Variants in GNAT3 observed in about 807,000 individuals in gnomAD.
GNAT3 encodes the protein G protein subunit alpha transducin 3.
A neutral mutation model predicts 37.7 loss-of-function variants in GNAT3; 31 were observed. The observed-to-expected ratio is 0.82, with a 90% CI of 0.62 to 1.11. The LOEUF (loss-of-function observed/expected upper bound fraction) is 1.11, where lower values mean the gene tolerates loss of function less well. Among genes scored for constraint, GNAT3 ranks in the 50% most tolerant of loss-of-function variants. The pLI is 0.00. For missense variants in GNAT3, 437 were observed against 412.5 expected (o/e 1.06, Z -0.51); for synonymous variants, 138 against 139.8 (o/e 0.99, Z 0.09).
At chr7:80,468,259 CAT>C (rs562384118) in intron 5 of GNAT3, among the ~76,000 whole-genome samples, 54 of 151,694 alleles carry the variant, frequency 3.6e-4, no homozygotes, top group African/African-American at 1.3e-3. Context: ...TATTGGATCA[CAT>C]GAGATTATTC....
intron 1 of GNAT3, among the ~76,000 whole-genome samples, chr7:80,497,616 A>ACACACACTGTCT (rs1790751569): frequency 1.7e-5 from 2 of 117,526 alleles, no homozygotes; most frequent in African/African-American, 4.8e-5. Context: ...ACGTATATAC[A>ACACACACTGTCT]TATACGTATA....
chr7:80,511,031 C>T (rs1320028586), intron 1 of GNAT3, among the ~76,000 whole-genome samples: 4 of 152,086 alleles, frequency 2.6e-5, no homozygotes, highest in Admixed American at 6.6e-5. Flanking sequence ...ATTTCAAAAA[C>T]ATATTTCTGT....
chr7:80,466,508 C>A (rs1279999585), intron 5 of GNAT3, among the ~76,000 whole-genome samples: 1 of 151,916 alleles, frequency 6.6e-6, no homozygotes, highest in Non-Finnish European at 1.5e-5. Flanking sequence ...AGAGAAAAAT[C>A]ATCTTATTTC....
chr7:80,510,241 A>G (rs539928381), intron 1 of GNAT3, among the ~76,000 whole-genome samples: 1 of 152,202 alleles, frequency 6.6e-6, no homozygotes, highest in Non-Finnish European at 1.5e-5. Context: ...CTCAAGAGTC[A>G]TTGCTTTTGG....
intron 5 of GNAT3, among the ~76,000 whole-genome samples, chr7:80,472,051 G>T (rs928900861): frequency 6.6e-6 from 1 of 151,992 alleles, no homozygotes; most frequent in Non-Finnish European, 1.5e-5. Flanking sequence ...CTAGCCTCCA[G>T]GAGCTCGGGG....
chr7:80,489,308 A>C (rs1309306457), intron 2 of GNAT3, among the ~76,000 whole-genome samples: 1 of 152,150 alleles, frequency 6.6e-6, no homozygotes, highest in African/African-American at 2.4e-5. Flanking sequence ...AGATTTTACT[A>C]GTAGTTTTCG....
At chr7:80,494,701 A>T in intron 1 of GNAT3, 54 bp from the exon 2 acceptor site, 1 of 981,074 alleles carries the variant, frequency 1.0e-6, no homozygotes. Context: ...TTGAATAGAT[A>T]TTAAAAACTA....
chr7:80,460,161 A>G (rs1022358344), intron 7 of GNAT3, among the ~76,000 whole-genome samples: 3 of 151,362 alleles, frequency 2.0e-5, no homozygotes, highest in African/African-American at 7.3e-5. Context: ...TTAGCTATCA[A>G]TCCATAAAAA....
At chr7:80,502,204 C>T (rs182181623) in intron 1 of GNAT3, among the ~76,000 whole-genome samples, 6 of 151,926 alleles carry the variant, frequency 3.9e-5, no homozygotes, top group African/African-American at 9.6e-5. Flanking sequence ...ATTGTGGTGA[C>T]GATTTCACAG....
At chr7:80,485,732 C>T (rs1396245278) in intron 3 of GNAT3, among the ~76,000 whole-genome samples, 6 of 152,026 alleles carry the variant, frequency 3.9e-5, no homozygotes, top group Non-Finnish European at 8.8e-5. Flanking sequence ...TTTAATGATC[C>T]TATATTCAAA....
At chr7:80,462,852 A>C (rs1357605847) in intron 5 of GNAT3, among the ~76,000 whole-genome samples, 1 of 152,208 alleles carries the variant, frequency 6.6e-6, no homozygotes. Flanking sequence ...ACTAGAATAA[A>C]ATAATTTACA....
chr7:80,502,430 C>T (rs1442689589), intron 1 of GNAT3, among the ~76,000 whole-genome samples: 1 of 151,936 alleles, frequency 6.6e-6, no homozygotes, highest in East Asian at 1.9e-4. Flanking sequence ...CATGATTTTT[C>T]CCACACAGGT....
Position 80,488,555 on chromosome 7 carries a change from A to C in GNAT3, c.283T>G (p.Tyr95Asp). 1 of 1,601,380 alleles carries C rather than the reference A, an allele frequency of 6.2e-7. No homozygotes were observed. Among genetic ancestry groups the C allele is most frequent in the East Asian group, 2.2e-5 (1 of 44,488 alleles). ...VKAMTTLGIDYVNPRSAEDQR... is the reference protein window; with the variant it reads ...VKAMTTLGIDDVNPRSAEDQR... ...CTTACTGCACTTCTGGGATTTACAT[A>C]ATCAATTCCAAGGGTAGTCATGGCT... The change falls in exon 3 of 8, where the codon TAT (tyrosine) becomes GAT (aspartate). Residue 95 changes from tyrosine (Y) to aspartate (D), a missense_variant. Transcript: ENST00000398291.
chr7:80,482,887 A>T (rs1790415795), intron 3 of GNAT3, among the ~76,000 whole-genome samples: 1 of 152,034 alleles, frequency 6.6e-6, no homozygotes, highest in Non-Finnish European at 1.5e-5. Context: ...TTGTAGAGGT[A>T]TCATGAATAT....
At chr7:80,483,067 A>G (rs548291367) in intron 3 of GNAT3, among the ~76,000 whole-genome samples, 11 of 152,196 alleles carry the variant, frequency 7.2e-5, no homozygotes, top group African/African-American at 2.4e-4. Flanking sequence ...TTTTCAATCC[A>G]GGCTGCACAT....
At chr7:80,503,055 T>A (rs1014694385) in intron 1 of GNAT3, among the ~76,000 whole-genome samples, 19 of 152,100 alleles carry the variant, frequency 1.2e-4, no homozygotes, top group Non-Finnish European at 2.6e-4. Context: ...TCTTTATTTT[T>A]TTTAAAAAAA....
chr7:80,497,537 T>C (rs965614541), intron 1 of GNAT3, among the ~76,000 whole-genome samples: 1 of 138,914 alleles, frequency 7.2e-6, no homozygotes, highest in African/African-American at 2.8e-5. Context: ...TCTCTCTATA[T>C]ATATACACAT....
intron 1 of GNAT3, among the ~76,000 whole-genome samples, chr7:80,502,494 C>G (rs1196663116): frequency 6.6e-6 from 1 of 152,002 alleles, no homozygotes; most frequent in Non-Finnish European, 1.5e-5. Flanking sequence ...GTCATGTATA[C>G]TATTTTTTAG....
intron 5 of GNAT3, among the ~76,000 whole-genome samples, chr7:80,466,627 A>T (rs900867905): frequency 3.3e-5 from 5 of 151,804 alleles, no homozygotes; most frequent in Non-Finnish European, 7.4e-5. Context: ...GGGGACATAA[A>T]CTCCCCAGGA....
Sources: gnomAD v4.1 joint callset for allele counts (sites outside exome capture counted in the v4.1 genomes callset) on GRCh38, gnomAD v4.1.1 for gene constraint, MANE v1.5 for transcripts, NCBI Gene and HGNC (gene_info 2026-07-23, HGNC 2026-07-21) for gene names.